HTR4: variants seen among roughly 807,000 people sequenced by gnomAD.
HTR4 encodes 5-hydroxytryptamine (serotonin) receptor 4, G protein-coupled.
Under a neutral mutation model 36.8 loss-of-function variants are expected in HTR4, and 16 were observed. The ratio of observed to expected loss-of-function variants is 0.43; its 90% CI spans 0.29 to 0.66. The LOEUF is 0.66. Ranked by LOEUF, HTR4 falls within the 30% of genes least tolerant of loss-of-function variation. The probability of loss-of-function intolerance (pLI) is 0.13; values close to 1 mark genes in which losing one functional copy is unlikely to be tolerated. For missense variants in HTR4, 438 were observed against 490.9 expected (o/e 0.89, Z 1.02); for synonymous variants, 189 against 185.1 (o/e 1.02, Z -0.17).
At chr5:148,579,656 T>C (rs980179430) in intron 2 of HTR4, among the ~76,000 whole-genome samples, 3 of 152,024 alleles carry the variant, frequency 2.0e-5, no homozygotes, top group Non-Finnish European at 2.9e-5. Context: ...GATTCCCTTT[T>C]CAGCTCACAT....
exon 6 of HTR4, chr5:148,451,149 G>T: frequency 6.2e-7 from 1 of 1,613,042 alleles, no homozygotes; most frequent in African/African-American, 1.3e-5. Context: ...AAACATGAAT[G>T]CGAATGAATG....
At position 148,509,493 on chromosome 5, in the gene HTR4, AACAAGGG is replaced by A; in HGVS notation, c.1032_1038del (p.Pro345GlnfsTer12). 6.2e-7 allele frequency: 1 copy of A among 1,613,114 alleles called. No homozygotes were observed. The highest frequency in any genetic ancestry group is 1.1e-5 in the South Asian group (1 of 90,976). On this transcript the variant is annotated frameshift_variant, in exon 6 of 7. Coordinates refer to ENST00000377888, the MANE Select transcript of HTR4 (RefSeq NM_000870.7). LOFTEE classifies it high-confidence loss of function. The stretch of plus-strand genomic sequence containing the variant: ...GTGGATCCATTAATGGTTGTGGTTG[AACAAGGG>A]ACAGTCTGGCCCAGAATGGAAGGTC...
chr5:148,451,070 C>T (rs1754962603), exon 6 of HTR4: 1 of 1,551,914 alleles, frequency 6.4e-7, no homozygotes, highest in Non-Finnish European at 8.7e-7. Context: ...GGGCTCTCAG[C>T]CCCTACTACC....
intron 4 of HTR4, among the ~76,000 whole-genome samples, chr5:148,544,274 TCTTTCTCTCTTTCTCTCTCTCTCCAC>T (rs1242451646): frequency 2.6e-5 from 4 of 151,170 alleles, no homozygotes; most frequent in African/African-American, 9.8e-5. Context: ...TCTCTCTCTC[TCTTTCTCTCTTTCTCTCTCTCTCCAC>T]CTCTCTTTCT....
intron 6 of HTR4, among the ~76,000 whole-genome samples, chr5:148,503,820 A>G (rs1446110459): frequency 1.3e-5 from 2 of 151,082 alleles, no homozygotes; most frequent in Non-Finnish European, 3.0e-5. Context: ...ACTGGAAAAC[A>G]AAAAAAAGGC....
intron 5 of HTR4, chr5:148,520,940 C>T (rs143789238): frequency 1.5e-6 from 2 of 1,367,774 alleles, no homozygotes; most frequent in Admixed American, 3.8e-5. Flanking sequence ...AATCCTGGCC[C>T]AGGCCTTGGT....
chr5:148,589,153 AC>A lies in HTR4; in HGVS notation c.27-38892del, dbSNP rs1311428269. Among the ~76,000 whole-genome samples, 4 of 152,304 alleles carry A rather than the reference AC, an allele frequency of 2.6e-5. No individual in the cohort carries two copies. The East Asian group carries it at 7.7e-4, about 29-fold the overall frequency. On this transcript the variant is annotated intron_variant, in intron 2 of 6. Coordinates refer to ENST00000377888, the MANE Select transcript of HTR4 (RefSeq NM_000870.7). Reference sequence around the variant, plus strand: ...TGCTACCACAAGCAATCTGCAATAAACATACCTGTGCACAAGTTCGAGTTTT... The same window carrying A: ...TGCTACCACAAGCAATCTGCAATAAAATACCTGTGCACAAGTTCGAGTTTT...
At chr5:148,549,408 A>G (rs1460001168) in intron 3 of HTR4, among the ~76,000 whole-genome samples, 1 of 152,194 alleles carries the variant, frequency 6.6e-6, no homozygotes, top group Non-Finnish European at 1.5e-5. Flanking sequence ...CATCATCATT[A>G]GATGTGTGGA....
At chr5:148,567,278 C>T (rs978398611) in intron 2 of HTR4, among the ~76,000 whole-genome samples, 1 of 152,120 alleles carries the variant, frequency 6.6e-6, no homozygotes, top group Non-Finnish European at 1.5e-5. Context: ...CTGAATCTAA[C>T]CACTTCTCAT....
At chr5:148,520,785 C>T (rs1046001072) in intron 5 of HTR4, 2 of 1,017,012 alleles carry the variant, frequency 2.0e-6, no homozygotes, top group Non-Finnish European at 2.7e-6. Context: ...ATTTCATTTC[C>T]TCCAGGAATG....
At chr5:148,452,030 GACAA>G (rs1463822885) in intron 5 of HTR4, among the ~76,000 whole-genome samples, 3 of 152,160 alleles carry the variant, frequency 2.0e-5, no homozygotes, top group Non-Finnish European at 2.9e-5. Flanking sequence ...CTTTCAGTGA[GACAA>G]ACAAACAAAT....
intron 2 of HTR4, among the ~76,000 whole-genome samples, chr5:148,613,299 A>G (rs201395165): frequency 0.29 from 24,770 of 85,468 alleles, 3,901 homozygotes; most frequent in African/African-American, 0.45. Flanking sequence ...CTGGCAAACC[A>G]AATCCAGCAG....
chr5:148,608,987 C>A (rs1316883355), intron 2 of HTR4, among the ~76,000 whole-genome samples: 1 of 152,172 alleles, frequency 6.6e-6, no homozygotes, highest in Admixed American at 6.5e-5. Context: ...GAGATTCTTA[C>A]AACAGACAAG....
chr5:148,613,446 T>A (rs964829833), intron 2 of HTR4, among the ~76,000 whole-genome samples: 1 of 152,092 alleles, frequency 6.6e-6, no homozygotes, highest in Non-Finnish European at 1.5e-5. Flanking sequence ...ATTATCTCAA[T>A]AGATGCAGGA....
At chr5:148,508,739 A>G (rs1757345729) in intron 6 of HTR4, among the ~76,000 whole-genome samples, 1 of 152,112 alleles carries the variant, frequency 6.6e-6, no homozygotes. Context: ...TATTTATTTT[A>G]GTTTATCATG....
chr5:148,646,851 A>G (rs1210727346), intron 1 of HTR4, among the ~76,000 whole-genome samples: 1 of 152,218 alleles, frequency 6.6e-6, no homozygotes, highest in East Asian at 1.9e-4. Flanking sequence ...GAGCTGCCCA[A>G]AGCAATTCCA....
At chr5:148,644,802 G>A (rs1753833610) in intron 1 of HTR4, 1 of 152,136 alleles carries the variant, frequency 6.6e-6, no homozygotes, top group African/African-American at 2.4e-5. Context: ...TGTGTGCAAA[G>A]GGGATTCCAG....
chr5:148,624,724 G>A (rs1469164347), intron 2 of HTR4, among the ~76,000 whole-genome samples: 1 of 152,164 alleles, frequency 6.6e-6, no homozygotes, highest in Non-Finnish European at 1.5e-5. Flanking sequence ...TCAGTGTGTT[G>A]TGGGTGAAGT....
intron 1 of HTR4, among the ~76,000 whole-genome samples, chr5:148,642,537 C>T (rs1247044995): frequency 2.0e-5 from 3 of 152,116 alleles, no homozygotes; most frequent in Non-Finnish European, 4.4e-5. Context: ...GACTTTGTCA[C>T]CTCACTGCTA....
Sources: gnomAD v4.1 joint callset for allele counts (sites outside exome capture counted in the v4.1 genomes callset) on GRCh38, gnomAD v4.1.1 for gene constraint, MANE v1.5 for transcripts, NCBI Gene and HGNC (gene_info 2026-07-23, HGNC 2026-07-21) for gene names.